CYRIB: variants seen among roughly 807,000 people sequenced by gnomAD.
The protein encoded by CYRIB is CYFIP-related Rac1 interactor B.
In CYRIB, 8 loss-of-function variants were observed where a neutral mutation model predicts 44.2. That is an observed-to-expected ratio of 0.18 (90% CI 0.11 to 0.33). The LOEUF (loss-of-function observed/expected upper bound fraction) is 0.33. Among genes scored for constraint, CYRIB ranks in the 10% least tolerant of loss-of-function variants. The pLI is 1.00. For synonymous variants in CYRIB, 131 were observed against 127.2 expected (o/e 1.03, Z -0.20); for missense variants, 185 against 382.8 (o/e 0.48, Z 4.31).
chr8:129,987,035 C>T (rs2096481148), intron 1 of CYRIB, among the ~76,000 whole-genome samples: 2 of 152,226 alleles, frequency 1.3e-5, no homozygotes, highest in African/African-American at 4.8e-5. Context: ...TTCTCTCACA[C>T]TTTGGCTGAA....
At chr8:129,967,535 A>G (rs558438782) in intron 2 of CYRIB, among the ~76,000 whole-genome samples, 4 of 151,568 alleles carry the variant, frequency 2.6e-5, no homozygotes, top group South Asian at 2.1e-4. Context: ...GCCTGCCACC[A>G]TGCCCGGCTA....
intron 4 of CYRIB, among the ~76,000 whole-genome samples, chr8:129,866,642 TAAAG>T (rs1402994244): frequency 5.3e-5 from 8 of 152,360 alleles, no homozygotes; most frequent in African/African-American, 1.9e-4. Context: ...TTTCTTCTCT[TAAAG>T]AAGTCGATCC....
intron 2 of CYRIB, among the ~76,000 whole-genome samples, chr8:129,900,837 G>T (rs114557448): frequency 0.023 from 3,533 of 152,144 alleles, 147 homozygotes; most frequent in African/African-American, 0.08. Context: ...GCACAACCAT[G>T]CCCGGCTTGT....
chr8:129,988,138 CAT>C, intron 1 of CYRIB, among the ~76,000 whole-genome samples: 1 of 152,326 alleles, frequency 6.6e-6, no homozygotes, highest in South Asian at 2.1e-4. Flanking sequence ...ACAAAGGTTT[CAT>C]AGTCTCCTGT....
chr8:129,979,108 T>G (rs1037766411), intron 1 of CYRIB, among the ~76,000 whole-genome samples: 1 of 152,000 alleles, frequency 6.6e-6, no homozygotes, highest in Non-Finnish European at 1.5e-5. Context: ...GACACTGCAC[T>G]CCAGCCTAGG....
At chr8:129,966,861 A>C (rs1207255985) in intron 2 of CYRIB, among the ~76,000 whole-genome samples, 1 of 151,940 alleles carries the variant, frequency 6.6e-6, no homozygotes, top group African/African-American at 2.4e-5. Context: ...CACCCAGCTA[A>C]TTTATATTTT....
At chr8:129,993,183 G>T (rs1288790100) in intron 1 of CYRIB, among the ~76,000 whole-genome samples, 2 of 152,016 alleles carry the variant, frequency 1.3e-5, no homozygotes, top group African/African-American at 4.8e-5. Flanking sequence ...TTGAGGTCAG[G>T]AGTTCGAGAC....
intron 1 of CYRIB, among the ~76,000 whole-genome samples, chr8:129,976,844 G>T (rs534047378): frequency 2.5e-4 from 38 of 151,178 alleles, no homozygotes; most frequent in African/African-American, 5.1e-4. Flanking sequence ...GTTTTTTGGG[G>T]TTTTTTTTTA....
intron 1 of CYRIB, among the ~76,000 whole-genome samples, chr8:130,009,528 A>G (rs1367559703): frequency 6.6e-6 from 1 of 152,144 alleles, no homozygotes. Flanking sequence ...TCGGCCTTCC[A>G]AAGTGCTGGG....
intron 1 of CYRIB, among the ~76,000 whole-genome samples, chr8:129,933,713 G>A (rs1207485869): frequency 6.6e-6 from 1 of 152,062 alleles, no homozygotes; most frequent in African/African-American, 2.4e-5. Context: ...TGTCTCTAGT[G>A]AAAATATAAA....
chr8:129,899,882 A>G (rs916821036), intron 2 of CYRIB, among the ~76,000 whole-genome samples: 3 of 152,154 alleles, frequency 2.0e-5, no homozygotes, highest in African/African-American at 7.2e-5. Flanking sequence ...TTGTGTAAGG[A>G]TATGGTCTTT....
intron 1 of CYRIB, among the ~76,000 whole-genome samples, chr8:129,920,347 TA>T (rs2137051176): frequency 6.6e-6 from 1 of 152,230 alleles, no homozygotes; most frequent in African/African-American, 2.4e-5. Flanking sequence ...CACACAACTA[TA>T]AATATATCAT....
At chr8:129,883,327 T>C (rs1055028424) in intron 2 of CYRIB, among the ~76,000 whole-genome samples, 2 of 151,896 alleles carry the variant, frequency 1.3e-5, no homozygotes, top group African/African-American at 4.8e-5. Context: ...AAAATGTCTC[T>C]AGATACCGCC....
At position 129,841,241 on chromosome 8, in the gene CYRIB, A is replaced by T. The variant is rs184359263; in HGVS notation, c.*901T>A. The T allele has an allele frequency of 9.8e-5, 15 of 152,328 alleles. No homozygotes were observed. In the East Asian group the frequency reaches 2.7e-3, roughly 27 times the overall value. 9.4% of individuals were successfully genotyped at this position (152,328 alleles called of 1,614,324 possible). A position where few individuals can be genotyped will look rare whatever the true frequency, so the allele number is the denominator to read the frequency against. ...TACTACATCCATACAAGAGTAAATC[A>T]AGAATAAAAGTCCAGTTAATGAAAA... On this transcript the variant is annotated 3_prime_UTR_variant, in exon 12 of 12. Coordinates refer to ENST00000519824, the Ensembl canonical transcript of CYRIB.
chr8:130,004,907 C>T (rs1203799110), intron 1 of CYRIB, among the ~76,000 whole-genome samples: 1 of 151,756 alleles, frequency 6.6e-6, no homozygotes, highest in Non-Finnish European at 1.5e-5. Flanking sequence ...GCTGGGATTA[C>T]AGGCACGTGC....
At chr8:129,894,685 T>G (rs2067032653) in intron 2 of CYRIB, 1 of 152,188 alleles carries the variant, frequency 6.6e-6, no homozygotes, top group Non-Finnish European at 1.5e-5. Flanking sequence ...AGCCTGTAGG[T>G]TCCAGCCTAG....
At chr8:129,891,994 T>C (rs1028789824) in intron 2 of CYRIB, among the ~76,000 whole-genome samples, 1 of 152,178 alleles carries the variant, frequency 6.6e-6, no homozygotes, top group African/African-American at 2.4e-5. Context: ...TATCTTTGAA[T>C]CTGATTCAAA....
chr8:129,844,563 T>C (rs2038671894), intron 11 of CYRIB: 1 of 152,268 alleles, frequency 6.6e-6, no homozygotes, highest in African/African-American at 2.4e-5. Context: ...TCTTTTTTTC[T>C]TTCCCTCTTA....
At chr8:129,959,152 C>A (rs1451305451) in intron 2 of CYRIB, among the ~76,000 whole-genome samples, 3 of 151,450 alleles carry the variant, frequency 2.0e-5, no homozygotes, top group Admixed American at 2.0e-4. Context: ...CAAGGCCCTG[C>A]TTATTGTAGA....
Sources: gnomAD v4.1 joint callset for allele counts (sites outside exome capture counted in the v4.1 genomes callset) on GRCh38, gnomAD v4.1.1 for gene constraint, MANE v1.5 for transcripts, NCBI Gene and HGNC (gene_info 2026-07-23, HGNC 2026-07-21) for gene names.